The following PRKAR2A variants were observed in gnomAD, a reference collection of about 807,000 sequenced individuals.
PRKAR2A encodes the protein protein kinase cAMP-dependent type II regulatory subunit alpha, also known as cAMP-dependent protein kinase type II-alpha regulatory subunit.
A neutral mutation model predicts 51.9 loss-of-function variants in PRKAR2A; 29 were observed. That is an observed-to-expected ratio of 0.56 (90% CI 0.42 to 0.76). The LOEUF is 0.76. Ranked by LOEUF, PRKAR2A falls within the 30% of genes least tolerant of loss-of-function variation. PRKAR2A has a pLI of 0.00. For missense variants in PRKAR2A, 445 were observed against 512.1 expected, an observed-to-expected ratio of 0.87 and a Z score of 1.26; for synonymous variants, 178 against 186.2, an observed-to-expected ratio of 0.96 and a Z score of 0.36.
chr3:48,829,909 A>G (rs1418881793), intron 1 of PRKAR2A, among the ~76,000 whole-genome samples: 1 of 137,544 alleles, frequency 7.3e-6, no homozygotes, highest in Non-Finnish European at 1.6e-5. Context: ...TTAAAAACTA[A>G]GACACAAGCC....
intron 2 of PRKAR2A, among the ~76,000 whole-genome samples, chr3:48,804,281 C>T (rs1311430362): frequency 6.6e-6 from 1 of 151,956 alleles, no homozygotes; most frequent in Non-Finnish European, 1.5e-5. Context: ...GGCAACATGG[C>T]GAAACCCTGT....
intron 5 of PRKAR2A, among the ~76,000 whole-genome samples, chr3:48,778,591 C>G (rs1431953917): frequency 1.3e-5 from 2 of 152,166 alleles, no homozygotes; most frequent in Admixed American, 1.3e-4. Flanking sequence ...ATGATCTCCA[C>G]TCACTGCAAC....
chr3:48,780,221 A>G (rs1428931205), intron 5 of PRKAR2A, among the ~76,000 whole-genome samples: 1 of 152,090 alleles, frequency 6.6e-6, no homozygotes, highest in Non-Finnish European at 1.5e-5. Context: ...TGTAAGAAGT[A>G]TTAGCATAAA....
chr3:48,835,928 G>T (rs1227712941), intron 1 of PRKAR2A, among the ~76,000 whole-genome samples: 1 of 152,092 alleles, frequency 6.6e-6, no homozygotes, highest in Non-Finnish European at 1.5e-5. Flanking sequence ...CATGTGGTCA[G>T]ACATATAAAT....
intron 1 of PRKAR2A, among the ~76,000 whole-genome samples, chr3:48,834,289 G>C (rs2083243975): frequency 6.6e-6 from 1 of 152,096 alleles, no homozygotes; most frequent in South Asian, 2.1e-4. Context: ...CAAAGGAGGA[G>C]AGTAGCTCTC....
intron 3 of PRKAR2A, 61 bp downstream of exon 3, chr3:48,793,936 G>C (rs2082435457): frequency 7.8e-7 from 1 of 1,289,198 alleles, no homozygotes. Context: ...TTGGTATGTA[G>C]AGAAGGGGAG....
At chr3:48,753,904 T>TC (rs554681996) in intron 9 of PRKAR2A, among the ~76,000 whole-genome samples, 75 of 150,020 alleles carry the variant, frequency 5.0e-4, no homozygotes, top group African/African-American at 1.7e-3. Flanking sequence ...TGTTTTCTTT[T>TC]TTTTTTTTTT....
chr3:48,789,918 CCTCTCTTT>C (rs542905529), intron 4 of PRKAR2A, among the ~76,000 whole-genome samples: 35 of 151,104 alleles, frequency 2.3e-4, no homozygotes, highest in Non-Finnish European at 4.6e-4. Flanking sequence ...TCCCTCTCTC[CCTCTCTTT>C]TCTTTCTTTT....
At chr3:48,796,503 G>A (rs1045688814) in intron 2 of PRKAR2A, among the ~76,000 whole-genome samples, 4 of 151,824 alleles carry the variant, frequency 2.6e-5, no homozygotes, top group Admixed American at 6.6e-5. Context: ...GGTTTGCCCC[G>A]CCCGCTCCCA....
chr3:48,824,283 C>G (rs1229043004), intron 1 of PRKAR2A, among the ~76,000 whole-genome samples: 1 of 151,808 alleles, frequency 6.6e-6, no homozygotes, highest in Non-Finnish European at 1.5e-5. Context: ...GTGGCACATG[C>G]CTATAATCCT....
At chr3:48,776,734 G>A (rs951119805) in intron 5 of PRKAR2A, among the ~76,000 whole-genome samples, 3 of 152,054 alleles carry the variant, frequency 2.0e-5, no homozygotes, top group Admixed American at 1.3e-4. Context: ...CCAGCTACTC[G>A]GGAGGCTGAG....
intron 3 of PRKAR2A, among the ~76,000 whole-genome samples, chr3:48,793,483 G>A (rs1199152016): frequency 1.3e-5 from 2 of 152,068 alleles, no homozygotes; most frequent in African/African-American, 2.4e-5. Flanking sequence ...ACATTGCCCA[G>A]GCTAGTCTCA....
In PRKAR2A at chr3:48,746,950, T is replaced by C. The variant is rs1158785301; in HGVS notation, c.*4635A>G. On this transcript the variant is annotated 3_prime_UTR_variant, in exon 11 of 11. Transcript: ENST00000265563. ...TTAGATTTATTTTATTACAGTGAGC[T>C]TAAAAAAACAACACGGAATCTACCC... 2.6e-5 allele frequency: 4 copies of C among 151,850 alleles called. No homozygotes were observed. Among genetic ancestry groups the C allele is most frequent in the African/African-American group, 7.3e-5 (3 of 41,352 alleles). The allele number at this position is 151,850 out of a possible 1,614,324, so 9.4% of individuals were successfully genotyped here.
chr3:48,805,061 A>AC (rs960122238), intron 2 of PRKAR2A, among the ~76,000 whole-genome samples: 1 of 151,968 alleles, frequency 6.6e-6, no homozygotes, highest in African/African-American at 2.4e-5. Flanking sequence ...ACATGTGTGC[A>AC]CCATCATGCC....
intron 2 of PRKAR2A, among the ~76,000 whole-genome samples, chr3:48,800,343 T>C (rs2082566809): frequency 6.6e-6 from 1 of 150,940 alleles, no homozygotes; most frequent in Admixed American, 6.6e-5. Flanking sequence ...CGAAACCCTG[T>C]CTCTACTAAA....
At chr3:48,807,060 C>T (rs1559632454) in intron 2 of PRKAR2A, among the ~76,000 whole-genome samples, 4 of 152,180 alleles carry the variant, frequency 2.6e-5, no homozygotes, top group South Asian at 4.2e-4. Flanking sequence ...TGTGAGCCAC[C>T]GCGCCTGGAC....
intron 1 of PRKAR2A, among the ~76,000 whole-genome samples, chr3:48,815,166 G>A (rs138379301): frequency 0.016 from 2,363 of 151,934 alleles, 41 homozygotes; most frequent in African/African-American, 0.042. Flanking sequence ...TGCCTGCCTC[G>A]GCCTCCCAAA....
intron 6 of PRKAR2A, among the ~76,000 whole-genome samples, chr3:48,771,372 G>A (rs1291985434): frequency 6.6e-6 from 1 of 152,026 alleles, no homozygotes; most frequent in African/African-American, 2.4e-5. Context: ...GACAGGTGTG[G>A]TGGTGCACAC....
intron 5 of PRKAR2A, among the ~76,000 whole-genome samples, chr3:48,774,247 A>G (rs1461477881): frequency 6.6e-6 from 1 of 152,142 alleles, no homozygotes; most frequent in Admixed American, 6.6e-5. Context: ...TGGGGTATCC[A>G]TCACCTTGGA....
Sources: allele counts gnomAD v4.1 joint callset (sites outside exome capture counted in the v4.1 genomes callset), GRCh38; gene constraint gnomAD v4.1.1; transcripts MANE v1.5; gene names NCBI Gene and HGNC (gene_info 2026-07-23, HGNC 2026-07-21).